Variants in SLCO1A2 observed in about 807,000 individuals in gnomAD.
SLCO1A2 encodes OATP-1.
Under a neutral mutation model 69.0 loss-of-function variants are expected in SLCO1A2, and 67 were observed. The ratio of observed to expected loss-of-function variants is 0.97; its 90% CI spans 0.80 to 1.19. The LOEUF is 1.19. SLCO1A2 is among the 50% of genes most tolerant of loss of function. The pLI, the probability that SLCO1A2 is intolerant of heterozygous loss-of-function variation, is 0.00. For synonymous variants in SLCO1A2, 260 were observed against 265.9 expected (o/e 0.98, Z 0.22); for missense variants, 787 against 793.7 (o/e 0.99, Z 0.10).
intron 1 of SLCO1A2, among the ~76,000 whole-genome samples, chr12:21,394,292 T>A (rs1369101287): frequency 6.6e-6 from 1 of 152,054 alleles, no homozygotes; most frequent in Non-Finnish European, 1.5e-5. Context: ...AGCACTTTGG[T>A]AGGCCAAGGT....
At chr12:21,300,268 C>A (rs772575131) in intron 8 of SLCO1A2, 80 bp downstream of exon 8, 3 of 1,015,612 alleles carry the variant, frequency 3.0e-6, no homozygotes, top group Non-Finnish European at 4.3e-6. Context: ...CATAGCATAT[C>A]ATAGTGTTAG....
chr12:21,365,305 C>T (rs1431810812), intron 2 of SLCO1A2, among the ~76,000 whole-genome samples: 1 of 152,118 alleles, frequency 6.6e-6, no homozygotes, highest in Non-Finnish European at 1.5e-5. Context: ...GAAAGGATTC[C>T]CTATTTAATA....
intron 1 of SLCO1A2, among the ~76,000 whole-genome samples, chr12:21,393,747 C>T (rs1357122734): frequency 1.3e-5 from 2 of 152,048 alleles, no homozygotes; most frequent in Admixed American, 1.3e-4. Context: ...CAGAAATTGG[C>T]AAAATGAAAG....
chr12:21,400,372 A>T (rs71446785), upstream of SLCO1A2, among the ~76,000 whole-genome samples: 64,936 of 151,106 alleles, frequency 0.43, 14,211 homozygotes, highest in Middle Eastern at 0.52. Flanking sequence ...AAAAGTCAGG[A>T]AGCAACAGAT....
chr12:21,274,911 T>C, intron 13 of SLCO1A2: 4 of 1,057,668 alleles, frequency 3.8e-6, no homozygotes, highest in Non-Finnish European at 4.6e-6. Flanking sequence ...TCTTTCATTT[T>C]ATTTTCAAAT....
Position 21,269,317 on chromosome 12 carries a change from G to T in SLCO1A2, c.*231C>A. ...CTGTTTCAACATAAAAATAAAGCTGGCTCTAAGAATCTTCTTTAGGGGGCT... is the reference window on the plus strand; with the variant it reads ...CTGTTTCAACATAAAAATAAAGCTGTCTCTAAGAATCTTCTTTAGGGGGCT... On this transcript the variant is annotated 3_prime_UTR_variant, in exon 15 of 15. Transcript: ENST00000683939. 1 of 347,004 alleles carries T rather than the reference G, an allele frequency of 2.9e-6. No individual in the cohort carries two copies. The highest frequency in any genetic ancestry group is 5.2e-6 in the Non-Finnish European group (1 of 193,518). The allele number at this position is 347,004 out of a possible 1,614,324, so 21.5% of individuals were successfully genotyped here.
chr12:21,379,264 C>T (rs1013075781), intron 1 of SLCO1A2: 1 of 152,150 alleles, frequency 6.6e-6, no homozygotes, highest in Non-Finnish European at 1.5e-5. Flanking sequence ...GTTTGTTGTG[C>T]TTGCTGGTAC....
At chr12:21,289,781 T>C (rs1225432685) in intron 12 of SLCO1A2, among the ~76,000 whole-genome samples, 1 of 149,978 alleles carries the variant, frequency 6.7e-6, no homozygotes, top group Non-Finnish European at 1.5e-5. Context: ...GCCCAGGGTG[T>C]CTGGACTTGT....
rs753324209 is a variant in SLCO1A2 at position 21,334,638 on chromosome 12, T to C, written c.10A>G (p.Thr4Ala). 4 of 1,610,116 alleles carry C rather than the reference T, an allele frequency of 2.5e-6. No homozygotes were observed. The highest frequency in any genetic ancestry group is 2.5e-6 in the Non-Finnish European group (3 of 1,177,790). MGETEKRIETHRIR... is the reference protein window; with the variant it reads MGEAEKRIETHRIR... The stretch of plus-strand genomic sequence containing the variant: ...CTATGGGTTTCAATTCTTTTCTCAG[T>C]TTCTCCCATGTTGCTCTTCAGGGTG... The change falls in exon 2 of 15, where the codon ACT (threonine) becomes GCT (alanine). Residue 4 changes from threonine to alanine, a missense_variant. Transcript: ENST00000683939.
chr12:21,401,184 ATATT>A (rs1221220482), intron 1 of SLCO1A2, among the ~76,000 whole-genome samples: 4 of 151,942 alleles, frequency 2.6e-5, no homozygotes, highest in Non-Finnish European at 5.9e-5. Context: ...AAAACAAAAT[ATATT>A]TAATTATAGA....
intron 4 of SLCO1A2, among the ~76,000 whole-genome samples, chr12:21,311,082 G>A (rs1950088438): frequency 6.6e-6 from 1 of 152,172 alleles, no homozygotes; most frequent in African/African-American, 2.4e-5. Context: ...ATCACAGGAA[G>A]CCACATTATT....
At position 21,264,920 on chromosome 12, in the gene SLCO1A2, C is replaced by T. The variant is rs1941915605; in HGVS notation, c.*4628G>A. On this transcript the variant is annotated 3_prime_UTR_variant, in exon 15 of 15. Coordinates refer to ENST00000683939, the MANE Select transcript of SLCO1A2 (RefSeq NM_001386879.1). ...TGTGCAGAGGTGTGGGGAATGGTGA[C>T]AATGGAGGCACTGCCCATCTTCCCA... is the stretch of plus-strand genomic sequence containing the variant. The T allele has an allele frequency of 6.6e-6, 1 of 152,450 alleles. No homozygotes were observed. The highest frequency in any genetic ancestry group is 2.1e-4 in the South Asian group (1 of 4,814). The allele number at this position is 152,450 out of a possible 1,614,324, so 9.4% of individuals were successfully genotyped here.
chr12:21,397,174 G>A (rs1941499763), upstream of SLCO1A2, among the ~76,000 whole-genome samples: 1 of 151,932 alleles, frequency 6.6e-6, no homozygotes, highest in South Asian at 2.1e-4. Flanking sequence ...AAGGATGGAG[G>A]AAGATCTACC....
At chr12:21,396,896 T>C (rs566547042), upstream of SLCO1A2, among the ~76,000 whole-genome samples, 45 of 151,998 alleles carry the variant, frequency 3.0e-4, no homozygotes, top group East Asian at 9.7e-4. Flanking sequence ...AAGGAACGAC[T>C]GGTACCAGCT....
chr12:21,274,466 T>C lies in SLCO1A2; in HGVS notation c.1793+3A>G. On this transcript the variant is annotated splice_donor_region_variant and intron_variant, in intron 14 of 14. Transcript: ENST00000683939. ...ACAATTTTAAACAAATTATTATCTT[T>C]ACCTGAAGGTGGTGGAATCATATAT... The C allele has an allele frequency of 6.4e-7, 1 of 1,574,428 alleles. No homozygotes were observed.
intron 1 of SLCO1A2, among the ~76,000 whole-genome samples, chr12:21,415,113 TTTTC>T (rs1325335430): frequency 2.6e-5 from 4 of 152,090 alleles, no homozygotes; most frequent in African/African-American, 7.2e-5. Context: ...TCTAATCTTA[TTTTC>T]TTTAATTATT....
intron 2 of SLCO1A2, chr12:21,373,403 A>G (rs1262493141): frequency 6.2e-7 from 1 of 1,613,274 alleles, no homozygotes; most frequent in African/African-American, 1.3e-5. Context: ...TGTTGCATTG[A>G]ACCATCTGAA....
chr12:21,315,638 G>A (rs1275059265), intron 3 of SLCO1A2, among the ~76,000 whole-genome samples: 1 of 152,082 alleles, frequency 6.6e-6, no homozygotes, highest in Non-Finnish European at 1.5e-5. Context: ...TCTCTAGTCT[G>A]CCTTGTGTGT....
At chr12:21,390,798 T>C (rs1941113667) in intron 1 of SLCO1A2, among the ~76,000 whole-genome samples, 1 of 152,142 alleles carries the variant, frequency 6.6e-6, no homozygotes, top group South Asian at 2.1e-4. Context: ...CCACATAGCA[T>C]ATAAAAAAAT....
Sources: allele counts gnomAD v4.1 joint callset (sites outside exome capture counted in the v4.1 genomes callset), GRCh38; gene constraint gnomAD v4.1.1; transcripts MANE v1.5; gene names NCBI Gene and HGNC (gene_info 2026-07-23, HGNC 2026-07-21).